CTDSPL: variants seen among roughly 807,000 people sequenced by gnomAD.
CTDSPL encodes CTD small phosphatase like.
Under a neutral mutation model 30.5 loss-of-function variants are expected in CTDSPL, and 8 were observed. The observed-to-expected ratio is 0.26, with a 90% CI of 0.15 to 0.47. The LOEUF (loss-of-function observed/expected upper bound fraction) is 0.47, where lower values mean the gene tolerates loss of function less well. Ranked by LOEUF, CTDSPL falls within the 20% of genes least tolerant of loss-of-function variation. The pLI, the probability that CTDSPL is intolerant of heterozygous loss-of-function variation, is 0.99. For synonymous variants in CTDSPL, 110 were observed against 137.9 expected (o/e 0.80, Z 1.42); for missense variants, 248 against 366.1 (o/e 0.68, Z 2.63).
Position 37,941,679 on chromosome 3 carries a change from G to A in CTDSPL, c.80-5378G>A, listed in dbSNP as rs576333190. Among the ~76,000 whole-genome samples, 4 of 150,252 alleles carry A rather than the reference G, an allele frequency of 2.7e-5. No homozygotes were observed. In the Admixed American group the frequency reaches 2.7e-4, roughly 10 times the overall value. On this transcript the variant is annotated intron_variant, in intron 1 of 7. Transcript: ENST00000273179. ...TGCTGGGATACAGGAATGAGCCACC[G>A]CATTTGGGCCGGGCATGTTTTCATT...
intron 1 of CTDSPL, chr3:37,944,585 A>G (rs1699014098): frequency 6.7e-6 from 1 of 150,184 alleles, no homozygotes; most frequent in Non-Finnish European, 1.5e-5. Flanking sequence ...CAGTGCTGAT[A>G]CTGAGGAAAT....
rs6785905 is a variant in CTDSPL at position 37,888,833 on chromosome 3, G to T, written c.79+26555G>T. ...TGTAGCTGGGGGCCTTTAGATCCAG[G>T]GGTAAGGAGAGTGCTAAAGGGCACT... On this transcript the variant is annotated intron_variant, in intron 1 of 7. Coordinates refer to ENST00000273179, the MANE Select transcript of CTDSPL (RefSeq NM_001008392.2). 3.8e-3 allele frequency among the ~76,000 whole-genome samples: 573 copies of T among 152,242 alleles called. 3 individuals carry two copies. Among genetic ancestry groups the T allele is most frequent in the African/African-American group, 0.012 (511 of 41,534 alleles).
In CTDSPL at chr3:37,959,973, G is replaced by A. The variant is rs185763596; in HGVS notation, c.267+2830G>A. 2.1e-4 allele frequency among the ~76,000 whole-genome samples: 32 copies of A among 152,060 alleles called. No individual in the cohort carries two copies. The East Asian group carries it at 6.0e-3, about 28-fold the overall frequency. The stretch of plus-strand genomic sequence containing the variant: ...AACCCAAGCACTTGGAGAGGCCGAG[G>A]AGGGCAGATGGCTTCAGCTCAGAAG... On this transcript the variant is annotated intron_variant, in intron 3 of 7. Transcript: ENST00000273179.
intron 1 of CTDSPL, among the ~76,000 whole-genome samples, chr3:37,939,277 C>T (rs1210860266): frequency 6.7e-6 from 1 of 150,112 alleles, no homozygotes; most frequent in Non-Finnish European, 1.5e-5. Context: ...ATACAATAGT[C>T]CTGTGGGGTA....
rs1381702507 is a variant in CTDSPL at position 37,943,000 on chromosome 3, C to A, written c.80-4057C>A. 5.3e-5 allele frequency among the ~76,000 whole-genome samples: 8 copies of A among 150,244 alleles called. 1 individual carries two copies. Among genetic ancestry groups the A allele is most frequent in the Non-Finnish European group, 3.0e-5 (2 of 67,072 alleles). On this transcript the variant is annotated intron_variant, in intron 1 of 7. Coordinates refer to ENST00000273179, the MANE Select transcript of CTDSPL (RefSeq NM_001008392.2). ...GACCTGAGCCAGGATAGGGCAGGGA[C>A]AAGGAGTTGCTAAGGATATATTTAA...
intron 1 of CTDSPL, among the ~76,000 whole-genome samples, chr3:37,925,329 C>T (rs2125612387): frequency 6.6e-6 from 1 of 152,312 alleles, no homozygotes; most frequent in South Asian, 2.1e-4. Flanking sequence ...CTTCTAGAAG[C>T]TGTTCTTTTC....
chr3:37,890,410 A>T (rs1178841302), intron 1 of CTDSPL, among the ~76,000 whole-genome samples: 1 of 152,150 alleles, frequency 6.6e-6, no homozygotes, highest in African/African-American at 2.4e-5. Flanking sequence ...AAACAGTTAA[A>T]CAGGAAATTA....
intron 1 of CTDSPL, among the ~76,000 whole-genome samples, chr3:37,946,196 C>T (rs73058957): frequency 0.025 from 3,830 of 152,344 alleles, 81 homozygotes; most frequent in Non-Finnish European, 0.036. Flanking sequence ...TCAGTCCTCC[C>T]CTGAGGGGTG....
At position 37,967,862 on chromosome 3, in the gene CTDSPL, A is replaced by G; in HGVS notation, c.406A>G (p.Ile136Val). The G allele has an allele frequency of 6.2e-7, 1 of 1,601,602 alleles. No individual in the cohort carries two copies. Among genetic ancestry groups the G allele is most frequent in the Non-Finnish European group, 8.5e-7 (1 of 1,176,594 alleles). The stretch of plus-strand genomic sequence containing the variant: ...TGCTGATTTTATTGTTCCGGTTGAA[A>G]TCGATGGAACTATACATCAGGTAAG... ...SNADFIVPVEIDGTIHQVYVL... is the reference protein window; with the variant it reads ...SNADFIVPVEVDGTIHQVYVL... The change falls in exon 5 of 8, where the codon ATC (isoleucine) becomes GTC (valine). Residue 136 changes from isoleucine to valine, a missense_variant. Physicochemically the swap from Ile to Val is conservative, Grantham distance 29. Around this residue, in one of 4 missense-constraint regions of CTDSPL, gnomAD observed 45 missense variants for 83.1 expected, o/e 0.54. Transcript: ENST00000273179.
At chr3:37,864,598 A>G (rs370866680) in intron 1 of CTDSPL, among the ~76,000 whole-genome samples, 3 of 152,124 alleles carry the variant, frequency 2.0e-5, no homozygotes. Context: ...GTTACCTATA[A>G]TGTCGCAATA....
intron 1 of CTDSPL, among the ~76,000 whole-genome samples, chr3:37,934,697 T>A (rs576760321): frequency 6.6e-6 from 1 of 152,356 alleles, no homozygotes; most frequent in African/African-American, 2.4e-5. Context: ...TTAAAACTAC[T>A]TGGAGGAGGG....
intron 2 of CTDSPL, among the ~76,000 whole-genome samples, chr3:37,950,615 A>G (rs1329612261): frequency 1.3e-5 from 2 of 152,244 alleles, no homozygotes; most frequent in Admixed American, 6.5e-5. Context: ...GCAGGCATCT[A>G]GGAGATGGAA....
At chr3:37,883,369 G>T (rs1313893143) in intron 1 of CTDSPL, among the ~76,000 whole-genome samples, 2 of 152,142 alleles carry the variant, frequency 1.3e-5, no homozygotes, top group Non-Finnish European at 2.9e-5. Context: ...GAGTCCACAG[G>T]TTCCCAAGTG....
At chr3:37,906,756 G>A (rs1698520270) in intron 1 of CTDSPL, among the ~76,000 whole-genome samples, 1 of 152,130 alleles carries the variant, frequency 6.6e-6, no homozygotes, top group Non-Finnish European at 1.5e-5. Flanking sequence ...GTGGGGAGAG[G>A]GTAAGGGACA....
rs1179537649 is a variant in CTDSPL at position 37,862,846 on chromosome 3, CAG to C, written c.79+571_79+572del. ...AGGTTCTATGCCTGTTCACTCCTGA[CAG>C]AGTTTGTGAGTGTGTATGATTGTGT... On this transcript the variant is annotated intron_variant, in intron 1 of 7. Transcript: ENST00000273179. The surrounding 1 kb of genome is among the most constrained non-coding windows in gnomAD (Gnocchi z 4.3). Among the ~76,000 whole-genome samples, 2 of 152,154 alleles carry C rather than the reference CAG, an allele frequency of 1.3e-5. No homozygotes were observed. Among genetic ancestry groups the C allele is most frequent in the African/African-American group, 2.4e-5 (1 of 41,408 alleles).
At position 37,982,495 on chromosome 3, in the gene CTDSPL, T is replaced by C; in HGVS notation, c.*1628T>C. The C allele has an allele frequency of 2.2e-6, 1 of 455,504 alleles. No homozygotes were observed. Among genetic ancestry groups the C allele is most frequent in the Non-Finnish European group, 4.4e-6 (1 of 226,068 alleles). 28.2% of individuals were successfully genotyped at this position (455,504 alleles called of 1,614,324 possible). A position where few individuals can be genotyped will look rare whatever the true frequency, so the allele number is the denominator to read the frequency against. ...TCTTCAGCCAGCATTCTGGTGGGAG[T>C]GACTGGCATTAACAAGACTGGAAAT... On this transcript the variant is annotated 3_prime_UTR_variant, in exon 8 of 8. Coordinates refer to ENST00000273179, the MANE Select transcript of CTDSPL (RefSeq NM_001008392.2).
rs1274800178 is a variant in CTDSPL, at chr3:37,982,446, T to C, written c.*1579T>C. 4.7e-6 allele frequency: 2 copies of C among 426,566 alleles called. No homozygotes were observed. Among genetic ancestry groups the C allele is most frequent in the African/African-American group, 4.1e-5 (2 of 48,870 alleles). The allele number at this position is 426,566 out of a possible 1,614,324, so 26.4% of individuals were successfully genotyped here. A position where few individuals can be genotyped will look rare whatever the true frequency, so the allele number is the denominator to read the frequency against. On this transcript the variant is annotated 3_prime_UTR_variant, in exon 8 of 8. Coordinates refer to ENST00000273179, the MANE Select transcript of CTDSPL (RefSeq NM_001008392.2). Reference sequence around the variant, plus strand: ...AAAGAACCCTTTCATATTGGCACCATTGCCTTAGTCCTCTGTGGGTTGGTC... The same window carrying C: ...AAAGAACCCTTTCATATTGGCACCACTGCCTTAGTCCTCTGTGGGTTGGTC...
chr3:37,958,361 T>C (rs1699198589), intron 3 of CTDSPL, among the ~76,000 whole-genome samples: 1 of 152,188 alleles, frequency 6.6e-6, no homozygotes, highest in Admixed American at 6.5e-5. Flanking sequence ...AGCACAACTT[T>C]TTATCCAGAG....
chr3:37,875,638 C>T (rs1698126599), intron 1 of CTDSPL, among the ~76,000 whole-genome samples: 1 of 152,204 alleles, frequency 6.6e-6, no homozygotes, highest in African/African-American at 2.4e-5. Context: ...AGCTCTTATG[C>T]TTAGCCTATC....
Sources: allele counts gnomAD v4.1 joint callset (sites outside exome capture counted in the v4.1 genomes callset), GRCh38; gene constraint gnomAD v4.1.1; regional missense constraint gnomAD v4.1.1; non-coding constraint Gnocchi (gnomAD v3.1); transcripts MANE v1.5; gene names NCBI Gene and HGNC (gene_info 2026-07-23, HGNC 2026-07-21).